SYT6: variants seen among roughly 807,000 people sequenced by gnomAD.
The protein encoded by SYT6 is synaptotagmin-6.
SYT6 carries 24 observed loss-of-function variants against 38.4 expected under a neutral mutation model. The observed-to-expected ratio is 0.62, with a 90% CI of 0.45 to 0.88. The LOEUF (loss-of-function observed/expected upper bound fraction) is 0.88. Among genes scored for constraint, SYT6 ranks in the 40% least tolerant of loss-of-function variants. The probability of loss-of-function intolerance (pLI) is 0.00; values close to 1 mark genes in which losing one functional copy is unlikely to be tolerated. For synonymous variants in SYT6, 265 were observed against 241.9 expected (o/e 1.10, Z -0.89); for missense variants, 611 against 621.0 (o/e 0.98, Z 0.17).
chr1:114,119,032 A>C (rs1677185482), intron 3 of SYT6, among the ~76,000 whole-genome samples: 1 of 152,096 alleles, frequency 6.6e-6, no homozygotes, highest in African/African-American at 2.4e-5. Flanking sequence ...TCCTTCCTAG[A>C]GATAAAGGTG....
chr1:114,148,173 C>T (rs1679253803), intron 1 of SYT6, among the ~76,000 whole-genome samples: 1 of 152,156 alleles, frequency 6.6e-6, no homozygotes, highest in Admixed American at 6.5e-5. Context: ...CTTATCTTCC[C>T]CCACTGACAC....
chr1:114,106,230 A>G (rs1319773080), intron 3 of SYT6, among the ~76,000 whole-genome samples: 1 of 152,070 alleles, frequency 6.6e-6, no homozygotes, highest in African/African-American at 2.4e-5. Context: ...GAAACTCTTT[A>G]GATTCAGTGA....
intron 3 of SYT6, among the ~76,000 whole-genome samples, chr1:114,112,142 C>T (rs1676723509): frequency 6.6e-6 from 1 of 152,154 alleles, no homozygotes; most frequent in Admixed American, 6.5e-5. Context: ...AATGATCAAC[C>T]AGAATTGAGG....
intron 5 of SYT6, among the ~76,000 whole-genome samples, chr1:114,098,149 G>A (rs1418055901): frequency 6.6e-6 from 1 of 152,192 alleles, no homozygotes; most frequent in African/African-American, 2.4e-5. Flanking sequence ...AGTATGCGAG[G>A]TGAGACAGTC....
rs1678748441 is a variant in SYT6, at chr1:114,139,766, C to T, written c.361G>A (p.Asp121Asn). 2 of 1,613,442 alleles carry T rather than the reference C, an allele frequency of 1.2e-6. No homozygotes were observed. The highest frequency in any genetic ancestry group is 8.5e-7 in the Non-Finnish European group (1 of 1,179,598). Residue 121 changes from aspartate (D) to asparagine (N), a missense_variant, in exon 2 of 8, where the codon GAC becomes AAC. Coordinates refer to ENST00000610222, the MANE Select transcript of SYT6 (RefSeq NM_001253772.2). ...TCCAGGAAGCCCAGGGTGCTGGGGTCCTTCAGCTTGTCCGCCATGTTGCCT... is the reference window on the plus strand; with the variant it reads ...TCCAGGAAGCCCAGGGTGCTGGGGTTCTTCAGCTTGTCCGCCATGTTGCCT... ...FRGNMADKLK[D>N]PSTLGFLEAA... is the part of the protein sequence containing the mutation.
intron 5 of SYT6, among the ~76,000 whole-genome samples, chr1:114,098,384 G>A (rs535565347): frequency 2.0e-4 from 30 of 152,350 alleles, no homozygotes; most frequent in Non-Finnish European, 3.5e-4. Flanking sequence ...TTATTGCATG[G>A]TTTCTTTCTC....
intron 3 of SYT6, among the ~76,000 whole-genome samples, chr1:114,120,064 C>G (rs1217057543): frequency 8.0e-6 from 1 of 124,392 alleles, no homozygotes. Flanking sequence ...GAGAGAGACT[C>G]TGTCTCAAAA....
chr1:114,153,529 G>C, intron 1 of SYT6, 81 bp downstream of exon 1: 1 of 564,858 alleles, frequency 1.8e-6, no homozygotes, highest in Non-Finnish European at 3.2e-6. Context: ...AGGTTCTGGG[G>C]CTCCTGGGAC....
chr1:114,105,925 A>G (rs745392), intron 3 of SYT6, among the ~76,000 whole-genome samples: 6,018 of 152,254 alleles, frequency 0.04, 653 homozygotes, highest in East Asian at 0.39. Flanking sequence ...CAGAGGCACC[A>G]TGCTTTGTGG....
intron 3 of SYT6, among the ~76,000 whole-genome samples, chr1:114,130,510 C>T (rs985963321): frequency 1.1e-4 from 16 of 152,164 alleles, no homozygotes; most frequent in African/African-American, 3.1e-4. Flanking sequence ...CCCCAAAGCT[C>T]GGTTCTTGTT....
intron 3 of SYT6, among the ~76,000 whole-genome samples, chr1:114,114,300 C>T (rs1676863318): frequency 6.6e-6 from 1 of 152,236 alleles, no homozygotes; most frequent in Non-Finnish European, 1.5e-5. Context: ...TCACCCTAAT[C>T]TCAACCTCAT....
At chr1:114,115,336 G>A (rs1383548349) in intron 3 of SYT6, among the ~76,000 whole-genome samples, 1 of 151,992 alleles carries the variant, frequency 6.6e-6, no homozygotes, top group Non-Finnish European at 1.5e-5. Context: ...ATTTATTTTG[G>A]TGATTAAAGC....
intron 3 of SYT6, among the ~76,000 whole-genome samples, chr1:114,126,813 C>G (rs1677773255): frequency 6.6e-6 from 1 of 152,158 alleles, no homozygotes; most frequent in Non-Finnish European, 1.5e-5. Flanking sequence ...AGGCTGCGAG[C>G]AGAGGGAGGG....
intron 5 of SYT6, among the ~76,000 whole-genome samples, chr1:114,098,864 G>C (rs1382595275): frequency 6.6e-6 from 1 of 152,242 alleles, no homozygotes; most frequent in Non-Finnish European, 1.5e-5. Context: ...CTGATGGACA[G>C]AGCTGCCCCT....
At chr1:114,109,263 C>T (rs535914906) in intron 3 of SYT6, among the ~76,000 whole-genome samples, 2 of 152,182 alleles carry the variant, frequency 1.3e-5, no homozygotes, top group Non-Finnish European at 2.9e-5. Flanking sequence ...GTGTTTCTCA[C>T]CAGATTGTAT....
At chr1:114,141,856 G>T (rs1678883603) in intron 1 of SYT6, among the ~76,000 whole-genome samples, 2 of 152,120 alleles carry the variant, frequency 1.3e-5, no homozygotes, top group Non-Finnish European at 2.9e-5. Context: ...AATCTACTCT[G>T]CCTATGCTCT....
intron 3 of SYT6, among the ~76,000 whole-genome samples, chr1:114,107,645 G>A (rs966959280): frequency 1.3e-5 from 2 of 151,296 alleles, no homozygotes; most frequent in African/African-American, 4.9e-5. Flanking sequence ...AATTAAACAG[G>A]TTAATTTTGA....
intron 1 of SYT6, among the ~76,000 whole-genome samples, chr1:114,147,111 T>A (rs1313161472): frequency 2.6e-5 from 4 of 152,184 alleles, no homozygotes; most frequent in African/African-American, 9.7e-5. Context: ...CCAAGAACAA[T>A]CTTACTAGCA....
chr1:114,129,796 G>A (rs984332737), intron 3 of SYT6, among the ~76,000 whole-genome samples: 6 of 150,200 alleles, frequency 4.0e-5, no homozygotes, highest in African/African-American at 1.2e-4. Flanking sequence ...TCCCACCTCA[G>A]CCTCTGAGTT....
Sources: allele counts gnomAD v4.1 joint callset (sites outside exome capture counted in the v4.1 genomes callset), GRCh38; gene constraint gnomAD v4.1.1; transcripts MANE v1.5; gene names NCBI Gene and HGNC (gene_info 2026-07-23, HGNC 2026-07-21).